Variants in GOLGA6L9 observed in about 807,000 individuals in gnomAD.
GOLGA6L9 encodes the protein golgin subfamily A member 6-like protein 9.
A neutral mutation model predicts 51.3 loss-of-function variants in GOLGA6L9; 19 were observed. The observed-to-expected ratio is 0.37, with a 90% CI of 0.26 to 0.54. The LOEUF (loss-of-function observed/expected upper bound fraction) is 0.54. GOLGA6L9 is among the 20% of genes least tolerant of loss of function. GOLGA6L9 has a pLI of 0.83. For synonymous variants in GOLGA6L9, 97 were observed against 184.2 expected, an observed-to-expected ratio of 0.53 and a Z score of 3.83; for missense variants, 247 against 464.1, an observed-to-expected ratio of 0.53 and a Z score of 4.30.
At chr15:82,420,421 C>G in the GOLGA6L9 span, among the ~76,000 whole-genome samples, 1 of 151,620 alleles carries the variant, frequency 6.6e-6, no homozygotes, top group Non-Finnish European at 1.5e-5. Context: ...AAATTAATTC[C>G]TGATGAACTT....
At position 82,434,175 on chromosome 15, in the gene GOLGA6L9, T is replaced by A. The variant is rs1226004342; in HGVS notation, c.575T>A (p.Leu192His). 27 of 1,537,620 alleles carry A rather than the reference T, an allele frequency of 1.8e-5. No homozygotes were observed. The East Asian group carries it at 1.9e-4, about 11-fold the overall frequency. The stretch of plus-strand genomic sequence containing the variant: ...GTGGAAAACAATCAGATGTTGAGTC[T>A]CCTGAACAGGAGACAGGAGGAGAGG... ...AEVENNQMLSLLNRRQEERLR... is the reference protein window; with the variant it reads ...AEVENNQMLSHLNRRQEERLR... Residue 192 changes from leucine to histidine, a missense_variant, in exon 6 of 9, where the codon CTC becomes CAC. Physicochemically the swap from Leu to His is moderately conservative, Grantham distance 99. Around this residue, in one of 9 missense-constraint regions of GOLGA6L9, gnomAD observed 66 missense variants for 66.2 expected, o/e 1.00. Coordinates refer to ENST00000618348, the MANE Select transcript of GOLGA6L9 (RefSeq NM_198181.4).
chr15:82,434,598 A>T lies in GOLGA6L9; in HGVS notation c.998A>T (p.Glu333Val). 6.5e-7 allele frequency: 1 copy of T among 1,534,304 alleles called. No individual in the cohort carries two copies. Among genetic ancestry groups the T allele is most frequent in the Non-Finnish European group, 8.7e-7 (1 of 1,146,016 alleles). ...QRAEPRSGFE[E>V]LNNENKSTLQ... ...GCCGAGCCACGCAGCGGCTTCGAGG[A>T]GCTGGTGCGTTGCCCCACCTGGGGA... The change falls in exon 6 of 9, where the codon GAG (glutamate) becomes GTG (valine). Residue 333 changes from glutamate to valine, a missense_variant. This residue lies in a region of GOLGA6L9 where 12 missense variants were observed against 89.4 expected (regional missense o/e 0.13). Transcript: ENST00000618348.
rs1595951399 is a variant in GOLGA6L9 at position 82,437,933 on chromosome 15, G to C, written c.*1522G>C. 1 of 151,122 alleles carries C rather than the reference G, an allele frequency of 6.6e-6. No individual in the cohort carries two copies. The highest frequency in any genetic ancestry group is 2.1e-4 in the South Asian group (1 of 4,816). 9.4% of individuals were successfully genotyped at this position (151,122 alleles called of 1,614,324 possible). A position where few individuals can be genotyped will look rare whatever the true frequency, so the allele number is the denominator to read the frequency against. On this transcript the variant is annotated 3_prime_UTR_variant, in exon 9 of 9. Transcript: ENST00000618348. The stretch of plus-strand genomic sequence containing the variant: ...TTTTTATACCTCTCAGTTTCAGTTA[G>C]AGGCATATTTTGTGTAATATTTATG...
At chr15:82,418,549 T>G in the GOLGA6L9 span, 1 of 152,204 alleles carries the variant, frequency 6.6e-6, no homozygotes, top group Admixed American at 6.5e-5. Flanking sequence ...AAAGGAGAAA[T>G]GAAATTATTT....
upstream of GOLGA6L9, among the ~76,000 whole-genome samples, chr15:82,425,867 T>C (rs1408391074): frequency 6.7e-6 from 1 of 149,362 alleles, no homozygotes; most frequent in African/African-American, 2.5e-5. Context: ...AGAATAAGAA[T>C]ATACGTGTGT....
chr15:82,431,698 AC>A (rs2031408292), intron 1 of GOLGA6L9, 131 bp from the exon 2 acceptor site: 2 of 1,031,732 alleles, frequency 1.9e-6, no homozygotes, highest in African/African-American at 3.3e-5. Context: ...AGTGATTGTG[AC>A]AACACCTTGT....
Position 82,434,244 on chromosome 15 carries a change from T to A in GOLGA6L9, c.644T>A (p.Leu215Gln). The change falls in exon 6 of 9, where the codon CTG becomes CAG. Residue 215 changes from leucine (L) to glutamine (Q), a missense_variant. Coordinates refer to ENST00000618348, the MANE Select transcript of GOLGA6L9 (RefSeq NM_198181.4). ...AGGCTACGTGAACAGGAGGAGAGGCTGTGTGAACAGGAGGAGAGGCTGTGT... is the reference window on the plus strand; with the variant it reads ...AGGCTACGTGAACAGGAGGAGAGGCAGTGTGAACAGGAGGAGAGGCTGTGT... ...EERLREQEER[L>Q]CEQEERLCEQ... is the part of the protein sequence containing the mutation. The A allele has an allele frequency of 6.4e-7, 1 of 1,551,232 alleles. No homozygotes were observed. Among genetic ancestry groups the A allele is most frequent in the South Asian group, 1.2e-5 (1 of 84,224 alleles).
the GOLGA6L9 span, among the ~76,000 whole-genome samples, chr15:82,418,162 A>G: frequency 2.0e-5 from 3 of 152,188 alleles, no homozygotes; most frequent in African/African-American, 7.2e-5. Context: ...CATGAAAACA[A>G]TTATTAAGGT....
chr15:82,424,367 C>T, the GOLGA6L9 span, among the ~76,000 whole-genome samples: 14 of 152,120 alleles, frequency 9.2e-5, no homozygotes, highest in African/African-American at 2.7e-4. Context: ...CCACCATGCC[C>T]GGCTTATTTA....
In GOLGA6L9 at chr15:82,438,738, AC is replaced by A. The variant is rs1476096861; in HGVS notation, c.*2328del. Reference sequence around the variant, plus strand: ...CTGGTAGGTTTTCCCAAAATGAAAAACAATCAGTTCTAAAACCAAAGCTGAT... The same window carrying A: ...CTGGTAGGTTTTCCCAAAATGAAAAAAATCAGTTCTAAAACCAAAGCTGAT... On this transcript the variant is annotated 3_prime_UTR_variant, in exon 9 of 9. Transcript: ENST00000618348. The A allele has an allele frequency of 2.5e-5, 3 of 118,516 alleles. No individual in the cohort carries two copies. The highest frequency in any genetic ancestry group is 1.0e-4 in the African/African-American group (3 of 29,494). The allele number at this position is 118,516 out of a possible 1,614,324, so 7.3% of individuals were successfully genotyped here.
At chr15:82,420,349 A>T in the GOLGA6L9 span, among the ~76,000 whole-genome samples, 27,162 of 151,656 alleles carry the variant, frequency 0.18, 3,982 homozygotes, top group African/African-American at 0.4. Context: ...TATTATTGTT[A>T]TGTATACCAT....
chr15:82,418,686 G>A, the GOLGA6L9 span: 3 of 152,198 alleles, frequency 2.0e-5, no homozygotes, highest in African/African-American at 7.2e-5. Context: ...AGGACTTGAG[G>A]AGTCCCAGAG....
chr15:82,428,968 G>C (rs1158886373), upstream of GOLGA6L9, among the ~76,000 whole-genome samples: 2 of 152,010 alleles, frequency 1.3e-5, no homozygotes, highest in African/African-American at 4.8e-5. Flanking sequence ...GAGTGGCCTG[G>C]TGATTCTAGA....
At chr15:82,418,761 G>A in the GOLGA6L9 span, 1 of 152,230 alleles carries the variant, frequency 6.6e-6, no homozygotes. Flanking sequence ...TTTCAACCAT[G>A]AAACCGTGCA....
Position 82,436,455 on chromosome 15 carries a change from G to A in GOLGA6L9, c.*44G>A. On this transcript the variant is annotated 3_prime_UTR_variant, in exon 9 of 9. Coordinates refer to ENST00000618348, the MANE Select transcript of GOLGA6L9 (RefSeq NM_198181.4). ...AAAAAAAAAAACAAAACATTTAAGGGGTTAATATCCTACACAATTCATTTA... is the reference window on the plus strand; with the variant it reads ...AAAAAAAAAAACAAAACATTTAAGGAGTTAATATCCTACACAATTCATTTA... 4 of 1,526,868 alleles carry A rather than the reference G, an allele frequency of 2.6e-6. 1 individual carries two copies. Among genetic ancestry groups the A allele is most frequent in the South Asian group, 2.3e-5 (2 of 86,328 alleles). 94.6% of individuals were successfully genotyped at this position (1,526,868 alleles called of 1,614,324 possible). A position where few individuals can be genotyped will look rare whatever the true frequency, so the allele number is the denominator to read the frequency against.
chr15:82,432,768 C>T (rs1474150120), intron 3 of GOLGA6L9, 49 bp from the exon 4 acceptor site: 4 of 1,525,874 alleles, frequency 2.6e-6, no homozygotes, highest in Middle Eastern at 2.3e-4. Context: ...ATTCTCTCTA[C>T]CCCTCCCCAC....
the GOLGA6L9 span, chr15:82,418,627 C>T: frequency 6.6e-6 from 1 of 152,206 alleles, no homozygotes; most frequent in African/African-American, 2.4e-5. Flanking sequence ...AGATTTGGTA[C>T]ATCCCCAGAA....
chr15:82,433,966 C>T (rs2031533441), intron 5 of GOLGA6L9, 68 bp from the exon 6 acceptor site: 1 of 1,489,114 alleles, frequency 6.7e-7, no homozygotes, highest in African/African-American at 1.6e-5. Flanking sequence ...AGCTGTGCAC[C>T]AAAGGGAGGA....
In GOLGA6L9 at chr15:82,434,336, G is replaced by A; in HGVS notation, c.736G>A (p.Glu246Lys). 2 of 1,535,106 alleles carry A rather than the reference G, an allele frequency of 1.3e-6. No homozygotes were observed. Among genetic ancestry groups the A allele is most frequent in the Non-Finnish European group, 1.7e-6 (2 of 1,145,806 alleles). The change falls in exon 6 of 9, where the codon GAG (glutamate) becomes AAG (lysine). Residue 246 changes from glutamate (E) to lysine (K), a missense_variant. By Grantham distance (56) the Glu-to-Lys change is moderately conservative. Around this residue, in one of 9 missense-constraint regions of GOLGA6L9, gnomAD observed 66 missense variants for 66.2 expected, o/e 1.00. Transcript: ENST00000618348. ...LCEQEKLPGQ[E>K]RLLEEVEKLL... ...TGAACAGGAGAAGCTGCCAGGGCAG[G>A]AGAGGCTGCTGGAAGAGGTGGAGAA...
Sources: allele counts gnomAD v4.1 joint callset (sites outside exome capture counted in the v4.1 genomes callset), GRCh38; gene constraint gnomAD v4.1.1; regional missense constraint gnomAD v4.1.1; transcripts MANE v1.5; gene names NCBI Gene and HGNC (gene_info 2026-07-23, HGNC 2026-07-21).